TAFA2: variants seen among roughly 807,000 people sequenced by gnomAD.
TAFA2 encodes TAFA chemokine like family member 2.
TAFA2 carries 7 observed loss-of-function variants against 18.8 expected under a neutral mutation model. The ratio of observed to expected loss-of-function variants is 0.37; its 90% CI spans 0.21 to 0.70. The LOEUF is 0.70. Among genes scored for constraint, TAFA2 ranks in the 30% least tolerant of loss-of-function variants. The pLI is 0.53. For synonymous variants in TAFA2, 60 were observed against 54.2 expected (o/e 1.11, Z -0.47); for missense variants, 122 against 158.1 (o/e 0.77, Z 1.23).
At chr12:62,153,960 T>TGTTATGTTATGTTAG (rs2062349914) in intron 1 of TAFA2, among the ~76,000 whole-genome samples, 1 of 151,818 alleles carries the variant, frequency 6.6e-6, no homozygotes, top group Non-Finnish European at 1.5e-5. Context: ...TGTTATGTTA[T>TGTTATGTTATGTTAG]GTTATGTTAT....
At chr12:62,151,343 T>G (rs536669546) in intron 1 of TAFA2, among the ~76,000 whole-genome samples, 1 of 152,304 alleles carries the variant, frequency 6.6e-6, no homozygotes, top group South Asian at 2.1e-4. Context: ...GCATTCCTCT[T>G]GCGGGTTAGT....
intron 4 of TAFA2, among the ~76,000 whole-genome samples, chr12:61,712,666 A>G (rs74095411): frequency 0.031 from 4,682 of 152,280 alleles, 253 homozygotes; most frequent in African/African-American, 0.11. Flanking sequence ...GGATTACAGC[A>G]TAATTAAAGC....
At chr12:62,127,621 C>T (rs1200762188) in intron 1 of TAFA2, among the ~76,000 whole-genome samples, 5 of 151,858 alleles carry the variant, frequency 3.3e-5, no homozygotes, top group African/African-American at 1.2e-4. Context: ...TTGAACTTCA[C>T]GGTAGGCTTT....
At chr12:61,850,223 C>A (rs1873585797) in intron 2 of TAFA2, among the ~76,000 whole-genome samples, 1 of 151,118 alleles carries the variant, frequency 6.6e-6, no homozygotes, top group South Asian at 2.1e-4. Flanking sequence ...CCTCAGAGGG[C>A]AAAATTGAAA....
intron 1 of TAFA2, among the ~76,000 whole-genome samples, chr12:62,166,461 A>C (rs978684115): frequency 2.0e-5 from 3 of 152,276 alleles, no homozygotes; most frequent in Non-Finnish European, 4.4e-5. Flanking sequence ...TGCACTATTT[A>C]ATAATAGTAA....
chr12:62,239,754 G>A lies in TAFA2; in HGVS notation c.-130+19009C>T, dbSNP rs908333711. Among the ~76,000 whole-genome samples, 6 of 152,310 alleles carry A rather than the reference G, an allele frequency of 3.9e-5. No homozygotes were observed. In the East Asian group the frequency reaches 5.8e-4, roughly 15 times the overall value. On this transcript the variant is annotated intron_variant, in intron 1 of 5. Transcript: ENST00000551619. Reference sequence around the variant, plus strand: ...AGTATTAACCATCAGATATGTGACCGAGTGAGTCTTCAAATGATTCCAATC... The same window carrying A: ...AGTATTAACCATCAGATATGTGACCAAGTGAGTCTTCAAATGATTCCAATC...
intron 2 of TAFA2, among the ~76,000 whole-genome samples, chr12:61,818,503 A>G (rs1872185825): frequency 6.6e-6 from 1 of 151,600 alleles, no homozygotes; most frequent in Non-Finnish European, 1.5e-5. Context: ...ACACACACAC[A>G]CACACACACA....
intron 1 of TAFA2, among the ~76,000 whole-genome samples, chr12:62,070,077 G>A (rs1418940106): frequency 2.0e-5 from 3 of 152,136 alleles, no homozygotes; most frequent in African/African-American, 7.2e-5. Context: ...AAATTCCAAA[G>A]ACACAGAAGG....
At chr12:61,886,841 G>A (rs971070019) in intron 1 of TAFA2, among the ~76,000 whole-genome samples, 2 of 152,170 alleles carry the variant, frequency 1.3e-5, no homozygotes, top group African/African-American at 2.4e-5. Flanking sequence ...TATAATTGAC[G>A]ATGTAATGAT....
chr12:61,839,972 C>T (rs2121120420), intron 2 of TAFA2, among the ~76,000 whole-genome samples: 1 of 152,130 alleles, frequency 6.6e-6, no homozygotes, highest in South Asian at 2.1e-4. Flanking sequence ...GAAAAGATTT[C>T]AGACAGAAGG....
chr12:62,085,694 A>T (rs937104575), intron 1 of TAFA2, among the ~76,000 whole-genome samples: 1 of 152,192 alleles, frequency 6.6e-6, no homozygotes, highest in South Asian at 2.1e-4. Flanking sequence ...TTCAAAAAGT[A>T]GAATAGGTAC....
chr12:61,904,771 A>G (rs1429225888), intron 1 of TAFA2, among the ~76,000 whole-genome samples: 1 of 152,150 alleles, frequency 6.6e-6, no homozygotes, highest in East Asian at 1.9e-4. Flanking sequence ...GTCCCACTGG[A>G]AAAAAATCAT....
rs538690397 is a variant in TAFA2 at position 61,988,593 on chromosome 12, C to T, written c.-1-121167G>A. The stretch of plus-strand genomic sequence containing the variant: ...TTATTGAAAGCACCTACTATGTGCA[C>T]TACAATTTTGCTTAAGAAATATTCT... On this transcript the variant is annotated intron_variant, in intron 1 of 4. Transcript: ENST00000416284. Among the ~76,000 whole-genome samples the T allele has an allele frequency of 3.3e-4, 50 of 152,250 alleles. 1 individual carries two copies. The highest frequency in any genetic ancestry group is 1.2e-3 in the African/African-American group (48 of 41,550).
chr12:61,736,466 T>C (rs1868306136), intron 4 of TAFA2, among the ~76,000 whole-genome samples: 1 of 150,342 alleles, frequency 6.7e-6, no homozygotes, highest in Non-Finnish European at 1.5e-5. Flanking sequence ...TTCATAAAAT[T>C]AATAATTGAA....
intron 1 of TAFA2, among the ~76,000 whole-genome samples, chr12:62,080,265 ATGCCC>A (rs1198298711): frequency 6.6e-6 from 1 of 152,230 alleles, no homozygotes; most frequent in African/African-American, 2.4e-5. Flanking sequence ...TCTCCAGGAA[ATGCCC>A]AGTCTCTTTT....
intron 1 of TAFA2, among the ~76,000 whole-genome samples, chr12:62,087,378 A>C (rs930655504): frequency 6.6e-6 from 1 of 152,192 alleles, no homozygotes; most frequent in Non-Finnish European, 1.5e-5. Context: ...ACAAAGAAAC[A>C]TTGTATCACT....
intron 2 of TAFA2, among the ~76,000 whole-genome samples, chr12:61,822,778 C>T (rs957664903): frequency 4.6e-5 from 7 of 152,036 alleles, no homozygotes; most frequent in South Asian, 2.1e-4. Flanking sequence ...AGCATACTGT[C>T]TAATATACAG....
At chr12:62,153,208 C>T (rs2062341517) in intron 1 of TAFA2, among the ~76,000 whole-genome samples, 1 of 152,126 alleles carries the variant, frequency 6.6e-6, no homozygotes, top group South Asian at 2.1e-4. Flanking sequence ...ATCTGCTACC[C>T]ATGCAGGTGT....
At position 62,057,341 on chromosome 12, in the gene TAFA2, C is replaced by T. The variant is rs79084829; in HGVS notation, c.-2+133918G>A. ...AATTCTTAGTATTTTTTCTTGATTG[C>T]TTTTTTCTCTTCTTCTTCTGATCCA... On this transcript the variant is annotated intron_variant, in intron 1 of 4. Coordinates refer to ENST00000416284, the MANE Select transcript of TAFA2 (RefSeq NM_178539.5). Among the ~76,000 whole-genome samples the T allele has an allele frequency of 3.9e-3, 590 of 152,022 alleles. 6 individuals are homozygous for T. Among genetic ancestry groups the T allele is most frequent in the African/African-American group, 0.014 (568 of 41,496 alleles).
Sources: allele counts gnomAD v4.1 joint callset (sites outside exome capture counted in the v4.1 genomes callset), GRCh38; gene constraint gnomAD v4.1.1; transcripts MANE v1.5; gene names NCBI Gene and HGNC (gene_info 2026-07-23, HGNC 2026-07-21).